The following ORC3 variants were observed in gnomAD, a reference collection of about 807,000 sequenced individuals.
ORC3 encodes the protein origin recognition complex subunit 3, also known as homolog of latheo, Drosophila.
Under a neutral mutation model 100.7 loss-of-function variants are expected in ORC3, and 78 were observed. The observed-to-expected ratio is 0.77, with a 90% CI of 0.65 to 0.94. The LOEUF is 0.94. Ranked by LOEUF, ORC3 falls within the 40% of genes least tolerant of loss-of-function variation. The pLI is 0.00. For missense variants in ORC3, 789 were observed against 823.9 expected (o/e 0.96, Z 0.52); for synonymous variants, 295 against 289.3 (o/e 1.02, Z -0.20).
At chr6:87,617,176 A>T (rs1471272842) in intron 9 of ORC3, among the ~76,000 whole-genome samples, 2 of 152,150 alleles carry the variant, frequency 1.3e-5, no homozygotes, top group African/African-American at 2.4e-5. Context: ...CTTTAAAGAT[A>T]TAAAAAAGGT....
rs202154049 is a variant in ORC3, at chr6:87,605,958, A to G, written c.364A>G (p.Thr122Ala). The part of the protein sequence containing the change: ...TDHDLTFGSL[T>A]EALQNNVTPY... The stretch of plus-strand genomic sequence containing the variant: ...TCATGATTTGACATTCGGAAGTCTA[A>G]CAGAGGCCCTTCAGAATAATGTCAC... Residue 122 changes from threonine to alanine, a missense_variant, in exon 5 of 20, where the codon ACA (threonine) becomes GCA (alanine). Thr to Ala is a moderately conservative substitution (Grantham distance 58). Transcript: ENST00000392844. 15 of 1,610,576 alleles carry G rather than the reference A, an allele frequency of 9.3e-6. No individual in the cohort carries two copies. In the Admixed American group the frequency reaches 1.2e-4, roughly 13 times the overall value.
the ORC3 span, among the ~76,000 whole-genome samples, chr6:87,676,461 A>C: frequency 1.4e-5 from 2 of 141,280 alleles, no homozygotes; most frequent in Non-Finnish European, 3.2e-5. Context: ...AAAAAAAAAA[A>C]AAAAAAAAAA....
chr6:87,609,055 A>G, intron 6 of ORC3, 41 bp from the exon 7 acceptor site: 1 of 1,523,802 alleles, frequency 6.6e-7, no homozygotes, highest in Non-Finnish European at 8.8e-7. Flanking sequence ...TTGAGTGGTA[A>G]GGCTTACCTT....
At chr6:87,662,430 C>G (rs527615559) in intron 16 of ORC3, among the ~76,000 whole-genome samples, 123 of 152,044 alleles carry the variant, frequency 8.1e-4, no homozygotes, top group African/African-American at 2.7e-3. Flanking sequence ...GAAACTCCGT[C>G]TCAAAAAAAA....
chr6:87,608,210 C>T (rs1164010816), intron 6 of ORC3, among the ~76,000 whole-genome samples: 2 of 152,126 alleles, frequency 1.3e-5, no homozygotes, highest in African/African-American at 4.8e-5. Flanking sequence ...CTGCTAGTAT[C>T]CACTGTCAAC....
intron 19 of ORC3, 108 bp downstream of exon 19, chr6:87,665,941 G>A (rs1029153402): frequency 9.6e-5 from 58 of 602,178 alleles, no homozygotes; most frequent in African/African-American, 1.7e-4. Context: ...CCAAACAACC[G>A]TATTACTTGT....
intron 14 of ORC3, among the ~76,000 whole-genome samples, 155 bp downstream of exon 14, chr6:87,653,404 A>C (rs1769428773): frequency 6.6e-6 from 1 of 152,204 alleles, no homozygotes; most frequent in African/African-American, 2.4e-5. Flanking sequence ...ACATTTTAAC[A>C]ATCACAAATA....
At chr6:87,604,987 A>AT (rs1385089927) in intron 4 of ORC3, among the ~76,000 whole-genome samples, 1 of 152,218 alleles carries the variant, frequency 6.6e-6, no homozygotes, top group East Asian at 1.9e-4. Flanking sequence ...TAAGCACCAA[A>AT]TGACTTTCTA....
chr6:87,610,639 C>T lies in ORC3; in HGVS notation c.713+1410C>T, dbSNP rs1419426758. 6.2e-5 allele frequency among the ~76,000 whole-genome samples: 9 copies of T among 144,716 alleles called. 1 individual carries two copies. The highest frequency in any genetic ancestry group is 2.1e-4 in the African/African-American group (8 of 37,538). The allele number at this position is 144,716 out of a possible 152,430, so 94.9% of individuals were successfully genotyped here. A position where few individuals can be genotyped will look rare whatever the true frequency, so the allele number is the denominator to read the frequency against. ...CGCAATCTCGGCTCACTGCAAGCTC[C>T]GCTTCCCGGGTTCACGCCATTCTCC... On this transcript the variant is annotated intron_variant, in intron 7 of 19. Transcript: ENST00000392844.
chr6:87,605,719 A>G (rs1778283861), intron 4 of ORC3, among the ~76,000 whole-genome samples, 198 bp from the exon 5 acceptor site: 1 of 152,098 alleles, frequency 6.6e-6, no homozygotes, highest in South Asian at 2.1e-4. Flanking sequence ...TGTGCAAAAT[A>G]TCTTTCCTGA....
chr6:87,617,677 T>C (rs1779255536), intron 9 of ORC3, among the ~76,000 whole-genome samples: 1 of 152,154 alleles, frequency 6.6e-6, no homozygotes, highest in African/African-American at 2.4e-5. Context: ...AAGGCTGCAG[T>C]GAGCCATAAT....
intron 13 of ORC3, among the ~76,000 whole-genome samples, chr6:87,644,847 CA>C (rs754822101): frequency 1.0e-3 from 143 of 136,650 alleles, no homozygotes; most frequent in East Asian, 6.8e-3. Context: ...AGACTCCATC[CA>C]AAAAAAAAAA....
At chr6:87,641,809 G>C (rs534272044) in intron 13 of ORC3, among the ~76,000 whole-genome samples, 3 of 152,294 alleles carry the variant, frequency 2.0e-5, no homozygotes, top group South Asian at 4.1e-4. Flanking sequence ...CTTCAGCTTA[G>C]TTCAAAGAGA....
At chr6:87,667,672 T>C, downstream of ORC3, among the ~76,000 whole-genome samples, 1 of 151,586 alleles carries the variant, frequency 6.6e-6, no homozygotes, top group East Asian at 1.9e-4. Context: ...CTCACACCTG[T>C]AATCCCAGCA....
At chr6:87,615,188 C>G (rs1477316762) in intron 8 of ORC3, among the ~76,000 whole-genome samples, 1 of 152,186 alleles carries the variant, frequency 6.6e-6, no homozygotes, top group Non-Finnish European at 1.5e-5. Context: ...AGGGGAACTC[C>G]TCTTTATAAA....
At chr6:87,646,787 C>CCTATA (rs761504583) in intron 13 of ORC3, among the ~76,000 whole-genome samples, 19 of 152,194 alleles carry the variant, frequency 1.2e-4, no homozygotes, top group Non-Finnish European at 2.5e-4. Context: ...TAATCGTAAG[C>CCTATA]CTATACCTCT....
At chr6:87,625,465 CAT>C (rs1295900861) in intron 11 of ORC3, among the ~76,000 whole-genome samples, 3 of 152,136 alleles carry the variant, frequency 2.0e-5, no homozygotes, top group East Asian at 1.9e-4. Flanking sequence ...AGCATTTTTT[CAT>C]ATGTCTGTTG....
In ORC3 at chr6:87,601,882, GT is replaced by G; in HGVS notation, c.177+2del. The G allele has an allele frequency of 6.4e-7, 1 of 1,559,742 alleles. No individual in the cohort carries two copies. Among genetic ancestry groups the G allele is most frequent in the Non-Finnish European group, 8.8e-7 (1 of 1,130,804 alleles). On this transcript the variant is annotated splice_donor_variant, in intron 3 of 19. Coordinates refer to ENST00000392844, the MANE Select transcript of ORC3 (RefSeq NM_012381.4). LOFTEE classifies it high-confidence loss of function. Reference sequence around the variant, plus strand: ...GCAGCAGATGAAATCTGAAAATGAGGTGAATACTTTTTTTAATAATTTTCTG... The same window carrying G: ...GCAGCAGATGAAATCTGAAAATGAGGGAATACTTTTTTTAATAATTTTCTG...
At chr6:87,636,581 C>A in intron 13 of ORC3, 95 bp downstream of exon 13, 1 of 730,332 alleles carries the variant, frequency 1.4e-6, no homozygotes, top group South Asian at 1.6e-5. Flanking sequence ...CAAAAAGTTT[C>A]ATAAATAGCC....
Sources: gnomAD v4.1 joint callset for allele counts (sites outside exome capture counted in the v4.1 genomes callset) on GRCh38, gnomAD v4.1.1 for gene constraint, MANE v1.5 for transcripts, NCBI Gene and HGNC (gene_info 2026-07-23, HGNC 2026-07-21) for gene names.